TNPO3: variants seen among roughly 807,000 people sequenced by gnomAD.
TNPO3 encodes the protein transportin 3.
TNPO3 carries 65 observed loss-of-function variants against 122.8 expected under a neutral mutation model. That is an observed-to-expected ratio of 0.53 (90% CI 0.43 to 0.65). TNPO3 has a LOEUF of 0.65. Ranked by LOEUF, TNPO3 falls within the 30% of genes least tolerant of loss-of-function variation. The probability of loss-of-function intolerance (pLI) is 0.00; values close to 1 mark genes in which losing one functional copy is unlikely to be tolerated. For synonymous variants in TNPO3, 372 were observed against 411.2 expected (o/e 0.90, Z 1.15); for missense variants, 850 against 1,136.7 (o/e 0.75, Z 3.63).
intron 4 of TNPO3, among the ~76,000 whole-genome samples, chr7:129,005,726 C>G (rs1802500127): frequency 6.6e-6 from 1 of 151,664 alleles, no homozygotes; most frequent in South Asian, 2.1e-4. Flanking sequence ...GAACCATAAG[C>G]TGATTAAACC....
intron 21 of TNPO3, among the ~76,000 whole-genome samples, chr7:128,961,255 G>C (rs1797424510): frequency 2.0e-5 from 3 of 151,796 alleles, no homozygotes; most frequent in Admixed American, 2.0e-4. Flanking sequence ...CCCTCATACA[G>C]GTATACCTTT....
chr7:128,993,722 T>C (rs1800998671), intron 9 of TNPO3, 85 bp downstream of exon 9: 1 of 1,198,348 alleles, frequency 8.3e-7, no homozygotes, highest in South Asian at 1.5e-5. Context: ...ATTGAAGAAA[T>C]AAGATGGAAC....
intron 11 of TNPO3, among the ~76,000 whole-genome samples, chr7:128,989,491 A>G (rs1800528680): frequency 6.6e-6 from 1 of 152,216 alleles, no homozygotes; most frequent in Admixed American, 6.5e-5. Context: ...TTTCAAGTCA[A>G]TAAGGACACC....
At chr7:128,975,319 T>C (rs1798940892) in intron 17 of TNPO3, among the ~76,000 whole-genome samples, 1 of 152,178 alleles carries the variant, frequency 6.6e-6, no homozygotes, top group South Asian at 2.1e-4. Flanking sequence ...TTATGAAATA[T>C]CAATTTTAAA....
intron 18 of TNPO3, among the ~76,000 whole-genome samples, chr7:128,974,157 G>A (rs922557875): frequency 2.6e-5 from 4 of 151,858 alleles, no homozygotes; most frequent in Non-Finnish European, 2.9e-5. Context: ...CTGGGCAACA[G>A]AGTGAGAGTC....
At chr7:128,976,609 G>A (rs918445886) in intron 16 of TNPO3, among the ~76,000 whole-genome samples, 1 of 152,012 alleles carries the variant, frequency 6.6e-6, no homozygotes, top group Non-Finnish European at 1.5e-5. Flanking sequence ...GAGCAGCTGG[G>A]ACTATAGGTG....
chr7:128,955,148 C>A lies in TNPO3; in HGVS notation c.*269G>T. The A allele has an allele frequency of 6.7e-6, 2 of 297,230 alleles. No homozygotes were observed. The highest frequency in any genetic ancestry group is 2.6e-5 in the South Asian group (1 of 39,188). 18.4% of individuals were successfully genotyped at this position (297,230 alleles called of 1,614,324 possible). ...CCTTTTAGAAAGTTCACCAGGAAAC[C>A]AGCTCCCCTCCCACCACGCCGGGCA... On this transcript the variant is annotated 3_prime_UTR_variant, in exon 23 of 23. Coordinates refer to ENST00000265388, the MANE Select transcript of TNPO3 (RefSeq NM_012470.4).
intron 17 of TNPO3, among the ~76,000 whole-genome samples, chr7:128,975,508 A>G (rs534538019): frequency 1.3e-5 from 2 of 152,324 alleles, no homozygotes; most frequent in East Asian, 3.9e-4. Flanking sequence ...AGTTAAAAAT[A>G]CAATAATGCT....
At chr7:129,049,615 G>C (rs778926928) in intron 1 of TNPO3, among the ~76,000 whole-genome samples, 2 of 152,186 alleles carry the variant, frequency 1.3e-5, no homozygotes, top group Non-Finnish European at 2.9e-5. Context: ...ACAGCTGTCT[G>C]CTTTCAGGTC....
chr7:129,011,395 G>A (rs1050295603), intron 4 of TNPO3, among the ~76,000 whole-genome samples: 1 of 152,200 alleles, frequency 6.6e-6, no homozygotes, highest in Non-Finnish European at 1.5e-5. Flanking sequence ...TCAGGCTGGA[G>A]TGCAGTGGTG....
intron 1 of TNPO3, among the ~76,000 whole-genome samples, chr7:129,050,422 A>C (rs1459781924): frequency 6.6e-6 from 1 of 150,426 alleles, no homozygotes; most frequent in East Asian, 1.9e-4. Flanking sequence ...GGAATCGGCT[A>C]GTAATGCAGC....
intron 1 of TNPO3, among the ~76,000 whole-genome samples, chr7:129,023,079 T>TA (rs1804718338): frequency 6.6e-6 from 1 of 152,100 alleles, no homozygotes; most frequent in African/African-American, 2.4e-5. Flanking sequence ...ATAGTAGTAG[T>TA]GTTAGTATTG....
At chr7:129,027,594 A>AAAC (rs1805396560) in intron 1 of TNPO3, among the ~76,000 whole-genome samples, 1 of 93,542 alleles carries the variant, frequency 1.1e-5, no homozygotes, top group Non-Finnish European at 2.4e-5. Context: ...AAAAAAAACA[A>AAAC]CACAAAAAAT....
intron 1 of TNPO3, among the ~76,000 whole-genome samples, chr7:129,027,013 C>T (rs529148909): frequency 6.6e-6 from 1 of 151,772 alleles, no homozygotes; most frequent in South Asian, 2.1e-4. Context: ...TCTCAAACTC[C>T]TGGGCTTGCC....
intron 1 of TNPO3, among the ~76,000 whole-genome samples, chr7:129,040,186 CA>C (rs1284250565): frequency 4.0e-5 from 6 of 149,878 alleles, no homozygotes; most frequent in African/African-American, 1.2e-4. Context: ...ACCCAGGAGG[CA>C]GATGTTGCAG....
chr7:128,975,283 T>C (rs1798938273), intron 17 of TNPO3, among the ~76,000 whole-genome samples: 2 of 152,230 alleles, frequency 1.3e-5, no homozygotes. Context: ...TATAGTCCAC[T>C]AAGGGAGTGG....
chr7:129,033,277 C>T (rs1284630593), intron 1 of TNPO3, among the ~76,000 whole-genome samples: 1 of 152,088 alleles, frequency 6.6e-6, no homozygotes, highest in East Asian at 1.9e-4. Flanking sequence ...GATGACATTT[C>T]TGGAATAAAT....
At chr7:129,025,971 CA>C (rs1386839241) in intron 1 of TNPO3, among the ~76,000 whole-genome samples, 4 of 151,716 alleles carry the variant, frequency 2.6e-5, no homozygotes. Flanking sequence ...GCTAAAAATG[CA>C]AAAATTAGCT....
chr7:128,996,656 T>C (rs953211622), intron 8 of TNPO3, among the ~76,000 whole-genome samples: 3 of 139,652 alleles, frequency 2.1e-5, no homozygotes, highest in African/African-American at 5.4e-5. Flanking sequence ...GACAGGAGAA[T>C]GGCGTGAACC....
Sources: gnomAD v4.1 joint callset for allele counts (sites outside exome capture counted in the v4.1 genomes callset) on GRCh38, gnomAD v4.1.1 for gene constraint, MANE v1.5 for transcripts, NCBI Gene and HGNC (gene_info 2026-07-23, HGNC 2026-07-21) for gene names.